MSI2: variants seen among roughly 807,000 people sequenced by gnomAD.
The protein encoded by MSI2 is RNA-binding protein Musashi homolog 2.
Under a neutral mutation model 45.6 loss-of-function variants are expected in MSI2, and 17 were observed. The observed-to-expected ratio is 0.37, with a 90% CI of 0.26 to 0.56. The LOEUF (loss-of-function observed/expected upper bound fraction) is 0.56. Ranked by LOEUF, MSI2 falls within the 20% of genes least tolerant of loss-of-function variation. MSI2 has a pLI of 0.77. For synonymous variants in MSI2, 156 were observed against 158.2 expected, an observed-to-expected ratio of 0.99 and a Z score of 0.11; for missense variants, 293 against 444.2, an observed-to-expected ratio of 0.66 and a Z score of 3.06.
intron 7 of MSI2, among the ~76,000 whole-genome samples, chr17:57,587,054 T>A (rs898330218): frequency 2.0e-5 from 3 of 152,152 alleles, no homozygotes; most frequent in Admixed American, 6.5e-5. Context: ...CAACACCCAC[T>A]GAGACCATGT....
At chr17:57,669,353 T>G (rs1396741984) in intron 11 of MSI2, among the ~76,000 whole-genome samples, 1 of 152,212 alleles carries the variant, frequency 6.6e-6, no homozygotes, top group Non-Finnish European at 1.5e-5. Flanking sequence ...GACAGCCAAC[T>G]GGCATTGTGG....
At chr17:57,673,947 CTT>C (rs911991022) in intron 11 of MSI2, among the ~76,000 whole-genome samples, 1 of 145,230 alleles carries the variant, frequency 6.9e-6, no homozygotes. Context: ...ACTTCTTTGT[CTT>C]TTTTTTTTTT....
Position 57,575,789 on chromosome 17 carries a change from C to CA in MSI2, c.455-21073dup, listed in dbSNP as rs1269451308. On this transcript the variant is annotated intron_variant, in intron 7 of 13. Coordinates refer to ENST00000284073, the MANE Select transcript of MSI2 (RefSeq NM_138962.4). ...TGAAACCCCGCCTCTATTAAAAATA[C>CA]AAAAAATTAGCCGGGCCTGGTGGCA... 3.3e-5 allele frequency among the ~76,000 whole-genome samples: 5 copies of CA among 151,842 alleles called. No homozygotes were observed. In the East Asian group the frequency reaches 9.7e-4, roughly 29 times the overall value.
intron 10 of MSI2, among the ~76,000 whole-genome samples, chr17:57,647,221 G>A (rs1598488788): frequency 2.1e-5 from 3 of 141,374 alleles, no homozygotes; most frequent in African/African-American, 7.9e-5. Context: ...CTGAGGTCAG[G>A]AGTTCAAGAC....
intron 6 of MSI2, among the ~76,000 whole-genome samples, chr17:57,481,884 G>A (rs1287432379): frequency 2.0e-5 from 3 of 152,208 alleles, no homozygotes; most frequent in Admixed American, 1.3e-4. Flanking sequence ...TAAGACACGG[G>A]TAGGAAAGAT....
intron 5 of MSI2, among the ~76,000 whole-genome samples, chr17:57,293,331 A>G (rs1386431034): frequency 6.6e-6 from 1 of 151,996 alleles, no homozygotes; most frequent in Non-Finnish European, 1.5e-5. Flanking sequence ...TACAGCTCGC[A>G]TTCCAGCATG....
intron 5 of MSI2, among the ~76,000 whole-genome samples, chr17:57,389,582 A>AG (rs1400580474): frequency 6.6e-6 from 1 of 152,204 alleles, no homozygotes; most frequent in East Asian, 1.9e-4. Flanking sequence ...TTTGGAGCAG[A>AG]GATGAGGTCT....
intron 5 of MSI2, among the ~76,000 whole-genome samples, chr17:57,282,443 A>G (rs1042633350): frequency 6.6e-6 from 1 of 152,190 alleles, no homozygotes; most frequent in African/African-American, 2.4e-5. Flanking sequence ...TACTAAAATT[A>G]GTGCTGGCCT....
chr17:57,533,822 G>C (rs754889201), intron 7 of MSI2, among the ~76,000 whole-genome samples: 24 of 152,202 alleles, frequency 1.6e-4, no homozygotes, highest in Non-Finnish European at 2.6e-4. Context: ...AGCCCACCCT[G>C]TGAGGCTGAT....
rs574977144 is a variant in MSI2 at position 57,289,086 on chromosome 17, G to A, written c.312+26894G>A. Among the ~76,000 whole-genome samples, 8 of 152,300 alleles carry A rather than the reference G, an allele frequency of 5.3e-5. No homozygotes were observed. In the South Asian group the frequency reaches 1.7e-3, roughly 32 times the overall value. On this transcript the variant is annotated intron_variant, in intron 5 of 13. Coordinates refer to ENST00000284073, the MANE Select transcript of MSI2 (RefSeq NM_138962.4). Reference sequence around the variant, plus strand: ...TTCTGTTCTGCATGGATTGGAACCTGGACAATGAAATATTCATGAAATTCA... The same window carrying A: ...TTCTGTTCTGCATGGATTGGAACCTAGACAATGAAATATTCATGAAATTCA...
At chr17:57,283,792 C>T (rs1259931806) in intron 5 of MSI2, among the ~76,000 whole-genome samples, 1 of 152,170 alleles carries the variant, frequency 6.6e-6, no homozygotes, top group Admixed American at 6.5e-5. Context: ...ACGCGCACTC[C>T]CGGAAGCGTG....
chr17:57,487,881 C>T (rs2085786129), intron 6 of MSI2, among the ~76,000 whole-genome samples: 1 of 151,822 alleles, frequency 6.6e-6, no homozygotes, highest in Admixed American at 6.6e-5. Context: ...GCGTCTCCCT[C>T]CCTCTATTCT....
intron 5 of MSI2, among the ~76,000 whole-genome samples, chr17:57,312,987 C>T (rs1912525028): frequency 6.6e-6 from 1 of 152,162 alleles, no homozygotes; most frequent in Non-Finnish European, 1.5e-5. Flanking sequence ...GCTGGAACTA[C>T]AGGCGTGTGC....
chr17:57,482,669 C>G (rs2085520729), intron 6 of MSI2, among the ~76,000 whole-genome samples: 1 of 152,080 alleles, frequency 6.6e-6, no homozygotes. Flanking sequence ...TTGGGGTGGT[C>G]CCTTCCTTCT....
intron 5 of MSI2, among the ~76,000 whole-genome samples, chr17:57,377,845 G>C (rs1302982211): frequency 6.6e-6 from 1 of 152,170 alleles, no homozygotes; most frequent in Non-Finnish European, 1.5e-5. Context: ...GGAAGCCAAG[G>C]CGGGTGGATC....
In MSI2 at chr17:57,280,679, T is replaced by A. The variant is rs191104895; in HGVS notation, c.312+18487T>A. Among the ~76,000 whole-genome samples the A allele has an allele frequency of 1.3e-5, 2 of 152,178 alleles. No individual in the cohort carries two copies. The highest frequency in any genetic ancestry group is 2.9e-5 in the Non-Finnish European group (2 of 68,028). On this transcript the variant is annotated intron_variant, in intron 5 of 13. Coordinates refer to ENST00000284073, the MANE Select transcript of MSI2 (RefSeq NM_138962.4). This position sits in a 1 kb window ranked among gnomAD's most constrained non-coding sequence, Gnocchi z 4.2. ...TGGCTGGCAATCGGCATACTCTTAGTGACGGACCCCTATTGGTAAACTTGT... is the reference window on the plus strand; with the variant it reads ...TGGCTGGCAATCGGCATACTCTTAGAGACGGACCCCTATTGGTAAACTTGT...
intron 10 of MSI2, chr17:57,632,060 G>T (rs1222086358): frequency 1.5e-6 from 2 of 1,330,196 alleles, no homozygotes; most frequent in Non-Finnish European, 9.6e-7. Flanking sequence ...TTTGCTTCTT[G>T]TATGCATTGT....
At chr17:57,571,968 C>A (rs2087890139) in intron 7 of MSI2, among the ~76,000 whole-genome samples, 1 of 152,208 alleles carries the variant, frequency 6.6e-6, no homozygotes, top group South Asian at 2.1e-4. Flanking sequence ...GTTCTCCAGA[C>A]CCCTAAGGAA....
chr17:57,608,244 C>G (rs896810399), intron 8 of MSI2: 3 of 152,440 alleles, frequency 2.0e-5, no homozygotes, highest in Admixed American at 6.5e-5. Flanking sequence ...TTGCCCTCAC[C>G]TGGCCACATA....
Sources: gnomAD v4.1 joint callset for allele counts (sites outside exome capture counted in the v4.1 genomes callset) on GRCh38, gnomAD v4.1.1 for gene constraint, Gnocchi (gnomAD v3.1) non-coding constraint, MANE v1.5 for transcripts, NCBI Gene and HGNC (gene_info 2026-07-23, HGNC 2026-07-21) for gene names.